The following LRMDA variants were observed in gnomAD, a reference collection of about 807,000 sequenced individuals.
The protein encoded by LRMDA is leucine-rich melanocyte differentiation-associated protein.
LRMDA carries 18 observed loss-of-function variants against 29.8 expected under a neutral mutation model. That is an observed-to-expected ratio of 0.60 (90% CI 0.42 to 0.90). The LOEUF (loss-of-function observed/expected upper bound fraction) is 0.90. Ranked by LOEUF, LRMDA falls within the 40% of genes least tolerant of loss-of-function variation. The probability of loss-of-function intolerance (pLI) is 0.00; values close to 1 mark genes in which losing one functional copy is unlikely to be tolerated. For synonymous variants in LRMDA, 125 were observed against 109.4 expected, an observed-to-expected ratio of 1.14 and a Z score of -0.89; for missense variants, 273 against 273.9, an observed-to-expected ratio of 1.00 and a Z score of 0.02.
chr10:76,451,332 G>C (rs1208263943), intron 6 of LRMDA, among the ~76,000 whole-genome samples: 1 of 151,894 alleles, frequency 6.6e-6, no homozygotes, highest in African/African-American at 2.4e-5. Context: ...CTCCCAAGTA[G>C]CTGGGACTAC....
At chr10:76,396,773 C>G (rs2132490838) in intron 6 of LRMDA, among the ~76,000 whole-genome samples, 1 of 152,252 alleles carries the variant, frequency 6.6e-6, no homozygotes, top group East Asian at 1.9e-4. Context: ...TGCCAACAGC[C>G]AATGAATTAT....
intron 2 of LRMDA, among the ~76,000 whole-genome samples, chr10:75,470,813 C>G (rs1844717182): frequency 6.6e-6 from 1 of 152,214 alleles, no homozygotes; most frequent in Non-Finnish European, 1.5e-5. Flanking sequence ...CCGCTTACTT[C>G]CTAGGTGATG....
At chr10:75,698,722 T>A (rs921354284) in intron 2 of LRMDA, among the ~76,000 whole-genome samples, 3 of 152,030 alleles carry the variant, frequency 2.0e-5, no homozygotes, top group African/African-American at 7.2e-5. Context: ...GGCTATAAGA[T>A]GTCAGTAATA....
chr10:76,185,999 T>C (rs1196061068), intron 5 of LRMDA, among the ~76,000 whole-genome samples: 1 of 152,200 alleles, frequency 6.6e-6, no homozygotes, highest in Non-Finnish European at 1.5e-5. Context: ...CCAATGTGCA[T>C]CTGTTAAAAA....
At chr10:76,074,320 T>G (rs1166195793) in intron 5 of LRMDA, among the ~76,000 whole-genome samples, 1 of 152,156 alleles carries the variant, frequency 6.6e-6, no homozygotes, top group Non-Finnish European at 1.5e-5. Flanking sequence ...TTACATTTGT[T>G]TTTCGGGGGG....
intron 5 of LRMDA, among the ~76,000 whole-genome samples, chr10:76,258,210 T>C (rs1839891695): frequency 6.6e-6 from 1 of 152,160 alleles, no homozygotes; most frequent in Admixed American, 6.5e-5. Flanking sequence ...CCCATAAGGG[T>C]TGTGTTATCT....
chr10:76,254,360 T>C (rs1487712592), intron 5 of LRMDA, among the ~76,000 whole-genome samples: 19 of 103,558 alleles, frequency 1.8e-4, no homozygotes, highest in South Asian at 1.5e-3. Flanking sequence ...TATCCTATCC[T>C]ATGCTATGCT....
At chr10:75,776,043 C>G (rs917246857) in intron 2 of LRMDA, among the ~76,000 whole-genome samples, 2 of 152,200 alleles carry the variant, frequency 1.3e-5, no homozygotes, top group Non-Finnish European at 2.9e-5. Context: ...ATATCTGCCT[C>G]TTTCCCTTTG....
At chr10:75,572,654 G>A (rs1263768960) in intron 2 of LRMDA, among the ~76,000 whole-genome samples, 6 of 152,110 alleles carry the variant, frequency 3.9e-5, no homozygotes. Flanking sequence ...CTTGCTGAAG[G>A]CTAAGTATAG....
intron 2 of LRMDA, among the ~76,000 whole-genome samples, chr10:75,701,931 A>G (rs1439514343): frequency 6.6e-6 from 1 of 152,158 alleles, no homozygotes; most frequent in Non-Finnish European, 1.5e-5. Flanking sequence ...CATTATTTGC[A>G]GTATTTTATC....
chr10:75,850,151 T>C (rs1230262303), intron 2 of LRMDA, among the ~76,000 whole-genome samples: 1 of 152,168 alleles, frequency 6.6e-6, no homozygotes, highest in Non-Finnish European at 1.5e-5. Flanking sequence ...ATGAGCACCT[T>C]GATGGTCTGG....
intron 5 of LRMDA, among the ~76,000 whole-genome samples, chr10:76,094,930 A>T (rs1327678869): frequency 6.6e-6 from 1 of 152,160 alleles, no homozygotes; most frequent in African/African-American, 2.4e-5. Context: ...CTTTCCAAGA[A>T]GGTACCAAAG....
At chr10:76,433,976 T>A (rs1399728958) in intron 6 of LRMDA, among the ~76,000 whole-genome samples, 1 of 152,226 alleles carries the variant, frequency 6.6e-6, no homozygotes, top group African/African-American at 2.4e-5. Context: ...AAATGCATGG[T>A]TGACGCTTAG....
intron 2 of LRMDA, among the ~76,000 whole-genome samples, chr10:75,953,143 G>T (rs1846606090): frequency 6.6e-6 from 1 of 151,982 alleles, no homozygotes; most frequent in African/African-American, 2.4e-5. Flanking sequence ...TGTGATCATG[G>T]CTCACTGCAG....
At chr10:75,733,563 A>G (rs1044552392) in intron 2 of LRMDA, among the ~76,000 whole-genome samples, 16 of 152,218 alleles carry the variant, frequency 1.1e-4, no homozygotes, top group African/African-American at 3.9e-4. Flanking sequence ...AGAGCAAACA[A>G]AAATGAGTGG....
chr10:76,221,466 T>A (rs950472824), intron 5 of LRMDA, among the ~76,000 whole-genome samples: 2 of 152,246 alleles, frequency 1.3e-5, no homozygotes, highest in Non-Finnish European at 2.9e-5. Flanking sequence ...CAAGCATTCT[T>A]ATACACCAAT....
chr10:75,448,365 C>G (rs1022483586), intron 2 of LRMDA, among the ~76,000 whole-genome samples: 1 of 152,136 alleles, frequency 6.6e-6, no homozygotes, highest in Non-Finnish European at 1.5e-5. Context: ...ACTGCCCCAC[C>G]CTCTCCCTCT....
intron 2 of LRMDA, among the ~76,000 whole-genome samples, chr10:75,880,269 G>T (rs1300132834): frequency 6.6e-6 from 1 of 152,164 alleles, no homozygotes; most frequent in African/African-American, 2.4e-5. Flanking sequence ...AAGGACAGAT[G>T]ATATCATCTA....
At chr10:76,009,975 A>T (rs936348764) in intron 2 of LRMDA, among the ~76,000 whole-genome samples, 1 of 151,858 alleles carries the variant, frequency 6.6e-6, no homozygotes, top group African/African-American at 2.4e-5. Flanking sequence ...TTCAAAGGTA[A>T]TTTCCTTCCC....
Sources: gnomAD v4.1 joint callset for allele counts (sites outside exome capture counted in the v4.1 genomes callset) on GRCh38, gnomAD v4.1.1 for gene constraint, MANE v1.5 for transcripts, NCBI Gene and HGNC (gene_info 2026-07-23, HGNC 2026-07-21) for gene names.